SLIT3: variants seen among roughly 807,000 people sequenced by gnomAD.
SLIT3 encodes slit guidance ligand 3, also known as slit homolog 3 protein.
In SLIT3, 68 loss-of-function variants were observed where a neutral mutation model predicts 184.0. The observed-to-expected ratio is 0.37, with a 90% CI of 0.30 to 0.45. The LOEUF (loss-of-function observed/expected upper bound fraction) is 0.45, where lower values mean the gene tolerates loss of function less well. Among genes scored for constraint, SLIT3 ranks in the 20% least tolerant of loss-of-function variants. The pLI is 1.00. For synonymous variants in SLIT3, 831 were observed against 828.6 expected (o/e 1.00, Z -0.05); for missense variants, 1,707 against 2,026.0 (o/e 0.84, Z 3.02).
chr5:169,123,628 G>A (rs939399759), intron 4 of SLIT3, among the ~76,000 whole-genome samples: 3 of 152,176 alleles, frequency 2.0e-5, no homozygotes, highest in Admixed American at 6.5e-5. Context: ...CAAGAGCAGA[G>A]ATTTCAGTGG....
chr5:169,034,266 G>A (rs1441279676), intron 4 of SLIT3, among the ~76,000 whole-genome samples: 1 of 151,460 alleles, frequency 6.6e-6, no homozygotes, highest in Non-Finnish European at 1.5e-5. Context: ...TCATTTATTT[G>A]CTTTTGCTTT....
At chr5:168,854,397 C>A (rs1377792807) in intron 5 of SLIT3, among the ~76,000 whole-genome samples, 2 of 114,048 alleles carry the variant, frequency 1.8e-5, no homozygotes, top group East Asian at 2.6e-4. Flanking sequence ...CCCACCATTG[C>A]CTCCTTGTCT....
At chr5:168,750,400 T>G (rs1754654951) in intron 18 of SLIT3, among the ~76,000 whole-genome samples, 1 of 152,224 alleles carries the variant, frequency 6.6e-6, no homozygotes, top group South Asian at 2.1e-4. Flanking sequence ...ATTATCTTCC[T>G]TTTCTCACAT....
Position 169,029,817 on chromosome 5 carries a change from C to T in SLIT3, c.414-146481G>A, listed in dbSNP as rs558381963. 2.6e-5 allele frequency among the ~76,000 whole-genome samples: 4 copies of T among 152,264 alleles called. No individual in the cohort carries two copies. In the East Asian group the frequency reaches 5.8e-4, roughly 22 times the overall value. Reference sequence around the variant, plus strand: ...GGTTTGTGGAGAGGAATACACAATTCCAATGGAATCCACTGTAATTTAGGG... The same window carrying T: ...GGTTTGTGGAGAGGAATACACAATTTCAATGGAATCCACTGTAATTTAGGG... On this transcript the variant is annotated intron_variant, in intron 4 of 35. Transcript: ENST00000519560.
At chr5:169,209,859 G>A (rs920402163) in intron 3 of SLIT3, among the ~76,000 whole-genome samples, 2 of 152,054 alleles carry the variant, frequency 1.3e-5, no homozygotes, top group African/African-American at 2.4e-5. Context: ...ATGGTTTGAC[G>A]GGGTGCAGCA....
At chr5:168,730,398 A>G (rs550002941) in intron 20 of SLIT3, among the ~76,000 whole-genome samples, 2 of 152,214 alleles carry the variant, frequency 1.3e-5, no homozygotes, top group South Asian at 4.1e-4. Context: ...ATTTACAGAA[A>G]TTCTACCCAA....
chr5:169,127,597 G>A (rs1261420943), intron 4 of SLIT3, among the ~76,000 whole-genome samples: 1 of 152,204 alleles, frequency 6.6e-6, no homozygotes, highest in Non-Finnish European at 1.5e-5. Flanking sequence ...CTATTGTCAA[G>A]CAAATCAGGG....
rs560235687 is a variant in SLIT3 at position 168,800,024 on chromosome 5, C to A, written c.936-4446G>T. On this transcript the variant is annotated intron_variant, in intron 9 of 35. Transcript: ENST00000519560. ...TTAACTCTTTCCCATCTCTCTCAGCCTTCCTTGACTTGGGAACTCTTGTTA... is the reference window on the plus strand; with the variant it reads ...TTAACTCTTTCCCATCTCTCTCAGCATTCCTTGACTTGGGAACTCTTGTTA... Among the ~76,000 whole-genome samples, 339 of 152,252 alleles carry A rather than the reference C, an allele frequency of 2.2e-3. 1 individual carries two copies. The highest frequency in any genetic ancestry group is 4.0e-3 in the Non-Finnish European group (271 of 68,010).
In SLIT3 at chr5:168,670,895, C is replaced by A. The variant is rs568302689; in HGVS notation, c.4127+303G>T. 2.5e-3 allele frequency among the ~76,000 whole-genome samples: 380 copies of A among 152,234 alleles called. 2 individuals are homozygous for A. The highest frequency in any genetic ancestry group is 8.5e-3 in the African/African-American group (354 of 41,544). Reference sequence around the variant, plus strand: ...AGGCTGAGTCTGCCCATGTGGGTGCCTTTTTTAATTCCCACAGAGACAGTG... The same window carrying A: ...AGGCTGAGTCTGCCCATGTGGGTGCATTTTTTAATTCCCACAGAGACAGTG... On this transcript the variant is annotated intron_variant, in intron 34 of 35. Transcript: ENST00000519560.
At chr5:169,266,567 T>C (rs561788399) in intron 1 of SLIT3, among the ~76,000 whole-genome samples, 1 of 152,270 alleles carries the variant, frequency 6.6e-6, no homozygotes, top group Admixed American at 6.5e-5. Context: ...GCAGCCTGGG[T>C]TCCTAAGTGA....
At chr5:169,222,133 A>AT (rs1764636708) in intron 3 of SLIT3, among the ~76,000 whole-genome samples, 1 of 152,154 alleles carries the variant, frequency 6.6e-6, no homozygotes, top group Non-Finnish European at 1.5e-5. Flanking sequence ...GGCTTTTGAG[A>AT]TTTTTAATCA....
At chr5:169,057,529 G>T (rs1758041685) in intron 4 of SLIT3, among the ~76,000 whole-genome samples, 1 of 152,234 alleles carries the variant, frequency 6.6e-6, no homozygotes, top group African/African-American at 2.4e-5. Context: ...CCCAGAGGGG[G>T]ATGTAGAGGG....
chr5:168,943,235 G>A (rs1454429817), intron 4 of SLIT3, among the ~76,000 whole-genome samples: 6 of 152,076 alleles, frequency 3.9e-5, no homozygotes, highest in African/African-American at 7.2e-5. Flanking sequence ...GAAGGGTTTG[G>A]GATAACTTCC....
At chr5:169,095,425 G>C (rs1759739832) in intron 4 of SLIT3, among the ~76,000 whole-genome samples, 1 of 152,154 alleles carries the variant, frequency 6.6e-6, no homozygotes, top group Non-Finnish European at 1.5e-5. Context: ...GAAGCCCTGA[G>C]AAGCATAACA....
At chr5:168,829,406 G>C (rs1251854770) in intron 6 of SLIT3, among the ~76,000 whole-genome samples, 4 of 152,114 alleles carry the variant, frequency 2.6e-5, no homozygotes, top group African/African-American at 4.8e-5. Context: ...CTCTCCTCTT[G>C]CCATCCACAT....
chr5:169,150,187 T>C (rs1375604426), intron 4 of SLIT3, among the ~76,000 whole-genome samples: 3 of 151,110 alleles, frequency 2.0e-5, no homozygotes, highest in African/African-American at 7.3e-5. Flanking sequence ...TTAGCAAGAG[T>C]TTTTCTGAAT....
chr5:168,776,570 T>C (rs1157153191), intron 12 of SLIT3, among the ~76,000 whole-genome samples: 1 of 152,186 alleles, frequency 6.6e-6, no homozygotes, highest in Admixed American at 6.5e-5. Context: ...TGGAAGCGGT[T>C]ATGATAATTG....
chr5:168,823,229 AATGGGAGAGATGC>A lies in SLIT3; in HGVS notation c.629+18_629+30del. 6.9e-6 allele frequency: 11 copies of A among 1,584,984 alleles called. No homozygotes were observed. The highest frequency in any genetic ancestry group is 9.5e-6 in the Non-Finnish European group (11 of 1,153,554). On this transcript the variant is annotated intron_variant, in intron 7 of 35. Transcript: ENST00000519560. Reference sequence around the variant, plus strand: ...CACTTTGGGCGTGAGGTAGGGAGAAAATGGGAGAGATGCACAGACTTCTTACTCACAGAGTTCG... The same window carrying A: ...CACTTTGGGCGTGAGGTAGGGAGAAAACAGACTTCTTACTCACAGAGTTCG...
chr5:169,156,365 C>T (rs1314506857), intron 4 of SLIT3, among the ~76,000 whole-genome samples: 2 of 152,226 alleles, frequency 1.3e-5, no homozygotes, highest in Non-Finnish European at 2.9e-5. Flanking sequence ...CTTTAATGCC[C>T]TTTATCACCC....
Sources: allele counts gnomAD v4.1 joint callset (sites outside exome capture counted in the v4.1 genomes callset), GRCh38; gene constraint gnomAD v4.1.1; transcripts MANE v1.5; gene names NCBI Gene and HGNC (gene_info 2026-07-23, HGNC 2026-07-21).